The following CCDC7 variants were observed in gnomAD, a reference collection of about 807,000 sequenced individuals.
The protein encoded by CCDC7 is coiled-coil domain containing 7.
A neutral mutation model predicts 196.9 loss-of-function variants in CCDC7; 183 were observed. The observed-to-expected ratio is 0.93, with a 90% CI of 0.82 to 1.05. The LOEUF is 1.05. Among genes scored for constraint, CCDC7 ranks in the 50% least tolerant of loss-of-function variants. The pLI is 0.00. For synonymous variants in CCDC7, 525 were observed against 484.6 expected (o/e 1.08, Z -1.10); for missense variants, 1,540 against 1,482.2 (o/e 1.04, Z -0.64).
chr10:32,630,336 G>GTATATATATGCATATATATGTATGTGTA (rs2064680729), intron 18 of CCDC7, among the ~76,000 whole-genome samples: 6 of 151,700 alleles, frequency 4.0e-5, no homozygotes, highest in Admixed American at 2.0e-4. Context: ...GTGTATATAT[G>GTATATATATGCATATATATGTATGTGTA]TATATATATG....
intron 13 of CCDC7, among the ~76,000 whole-genome samples, chr10:32,552,219 C>T (rs1486171876): frequency 1.3e-5 from 2 of 151,966 alleles, no homozygotes; most frequent in African/African-American, 4.8e-5. Flanking sequence ...AATAGCTATC[C>T]CTGCTTGCTT....
chr10:32,459,284 G>A (rs77083224), intron 3 of CCDC7, among the ~76,000 whole-genome samples: 3,021 of 152,164 alleles, frequency 0.02, 106 homozygotes, highest in African/African-American at 0.069. Context: ...CCCTAGGAGA[G>A]TTCTGAGTTA....
chr10:32,527,993 A>T (rs772488432), intron 11 of CCDC7, among the ~76,000 whole-genome samples: 4 of 152,196 alleles, frequency 2.6e-5, no homozygotes, highest in Non-Finnish European at 4.4e-5. Flanking sequence ...GTATGTTAAC[A>T]TACCCATTAA....
chr10:32,689,196 A>T, intron 23 of CCDC7, 33 bp downstream of exon 24: 1 of 1,356,920 alleles, frequency 7.4e-7, no homozygotes, highest in Non-Finnish European at 1.0e-6. Context: ...ACTTTAAATT[A>T]TTTAAAAGTA....
chr10:32,858,205 A>G (rs1331653580), intron 41 of CCDC7, among the ~76,000 whole-genome samples: 2 of 152,222 alleles, frequency 1.3e-5, no homozygotes, highest in Non-Finnish European at 2.9e-5. Flanking sequence ...ACATTTGAAT[A>G]CTACGAAACA....
chr10:32,772,761 C>T (rs2079366926), intron 28 of CCDC7, among the ~76,000 whole-genome samples: 3 of 152,206 alleles, frequency 2.0e-5, no homozygotes, highest in Non-Finnish European at 4.4e-5. Context: ...TCAGTTCCTG[C>T]ACTGGGTGAG....
chr10:32,489,423 G>T (rs1461179746), intron 8 of CCDC7, among the ~76,000 whole-genome samples: 2 of 152,202 alleles, frequency 1.3e-5, no homozygotes, highest in Non-Finnish European at 2.9e-5. Flanking sequence ...GATGTCTGAT[G>T]CATGTGCAGT....
At chr10:32,741,713 T>C (rs2085882860) in intron 28 of CCDC7, among the ~76,000 whole-genome samples, 1 of 152,216 alleles carries the variant, frequency 6.6e-6, no homozygotes, top group Non-Finnish European at 1.5e-5. Flanking sequence ...ATTATTTAAA[T>C]CTTCCATTTC....
intron 18 of CCDC7, among the ~76,000 whole-genome samples, chr10:32,632,883 A>C (rs2065067854): frequency 1.3e-5 from 2 of 152,148 alleles, no homozygotes; most frequent in African/African-American, 4.8e-5. Flanking sequence ...GAGATTTCCA[A>C]GTATATTTTA....
chr10:32,670,768 GT>G (rs527532165), intron 21 of CCDC7, among the ~76,000 whole-genome samples: 3 of 151,700 alleles, frequency 2.0e-5, no homozygotes, highest in Non-Finnish European at 4.4e-5. Context: ...CTTTTCTATT[GT>G]TTTTTTCTCC....
intron 21 of CCDC7, among the ~76,000 whole-genome samples, chr10:32,683,811 G>A (rs1350919064): frequency 6.6e-6 from 1 of 152,182 alleles, no homozygotes; most frequent in Admixed American, 6.5e-5. Flanking sequence ...GGCAGAAGTA[G>A]GGTGGCTGCA....
chr10:32,578,591 AT>A (rs964023110), intron 16 of CCDC7, among the ~76,000 whole-genome samples: 16 of 151,328 alleles, frequency 1.1e-4, no homozygotes, highest in African/African-American at 3.9e-4. Flanking sequence ...TAACAATAGG[AT>A]TTGTGCTTCT....
chr10:32,701,972 T>C (rs2078825271), intron 24 of CCDC7, among the ~76,000 whole-genome samples: 1 of 152,204 alleles, frequency 6.6e-6, no homozygotes, highest in Non-Finnish European at 1.5e-5. Flanking sequence ...AAAAACCAGC[T>C]CCTGGATTCA....
exon 40 of CCDC7, chr10:32,851,842 G>T (rs1428736019): frequency 6.2e-7 from 1 of 1,612,332 alleles, no homozygotes; most frequent in Admixed American, 1.7e-5. Context: ...CTATGTGACT[G>T]CACCTTCAAA....
At chr10:32,660,627 T>G (rs2071139326) in intron 20 of CCDC7, among the ~76,000 whole-genome samples, 1 of 151,298 alleles carries the variant, frequency 6.6e-6, no homozygotes, top group South Asian at 2.1e-4. Context: ...TTATAGTCCT[T>G]TGGGTATATA....
chr10:32,535,789 T>G (rs536384923), intron 11 of CCDC7, among the ~76,000 whole-genome samples: 3 of 152,328 alleles, frequency 2.0e-5, no homozygotes, highest in African/African-American at 7.2e-5. Flanking sequence ...TTAATTACGT[T>G]AATAGAAGTT....
At chr10:32,445,273 T>C (rs1050003353), upstream of CCDC7, among the ~76,000 whole-genome samples, 2 of 152,272 alleles carry the variant, frequency 1.3e-5, no homozygotes, top group Non-Finnish European at 2.9e-5. Flanking sequence ...AGTGGTGTGA[T>C]GGAGCTAGCC....
intron 18 of CCDC7, among the ~76,000 whole-genome samples, chr10:32,606,826 G>T (rs946223704): frequency 6.6e-6 from 1 of 152,164 alleles, no homozygotes; most frequent in African/African-American, 2.4e-5. Context: ...ATGAGAGTTT[G>T]GACTTGGGAC....
chr10:32,628,014 A>G (rs1213664418), intron 18 of CCDC7, among the ~76,000 whole-genome samples: 1 of 151,834 alleles, frequency 6.6e-6, no homozygotes, highest in African/African-American at 2.4e-5. Context: ...GTATTAGGGT[A>G]GTAGTGGTCT....
Sources: gnomAD v4.1 joint callset for allele counts (sites outside exome capture counted in the v4.1 genomes callset) on GRCh38, gnomAD v4.1.1 for gene constraint, MANE v1.5 for transcripts, NCBI Gene and HGNC (gene_info 2026-07-23, HGNC 2026-07-21) for gene names.